The following FAM107A variants were observed in gnomAD, a reference collection of about 807,000 sequenced individuals.
FAM107A encodes actin-associated protein FAM107A.
A neutral mutation model predicts 13.7 loss-of-function variants in FAM107A; 19 were observed. The ratio of observed to expected loss-of-function variants is 1.38; its 90% CI spans 0.97 to 2.03. The LOEUF (loss-of-function observed/expected upper bound fraction) is 2.03. Ranked by LOEUF, FAM107A falls within the 30% of genes most tolerant of loss-of-function variation. FAM107A has a pLI of 0.00. For synonymous variants in FAM107A, 82 were observed against 74.5 expected (o/e 1.10, Z -0.52); for missense variants, 203 against 184.4 (o/e 1.10, Z -0.58).
chr3:58,615,621 C>T (rs36077607), intron 1 of FAM107A, among the ~76,000 whole-genome samples: 16,932 of 152,086 alleles, frequency 0.11, 1,211 homozygotes, highest in Non-Finnish European at 0.16. Flanking sequence ...GAATGCCAGG[C>T]GCAGTGCCTT....
At chr3:58,576,825 A>G (rs1158548060) in intron 1 of FAM107A, among the ~76,000 whole-genome samples, 2 of 152,228 alleles carry the variant, frequency 1.3e-5, no homozygotes, top group Non-Finnish European at 2.9e-5. Context: ...GGGTACTGTT[A>G]TTATCCTCTT....
intron 1 of FAM107A, among the ~76,000 whole-genome samples, chr3:58,626,611 A>G (rs1426270862): frequency 1.3e-5 from 2 of 152,190 alleles, no homozygotes; most frequent in Non-Finnish European, 1.5e-5. Flanking sequence ...TAACTTTATA[A>G]TAATAATTTT....
intron 2 of FAM107A, among the ~76,000 whole-genome samples, chr3:58,568,420 G>T (rs567712894): frequency 2.0e-5 from 3 of 151,610 alleles, no homozygotes; most frequent in Non-Finnish European, 4.4e-5. Flanking sequence ...GGGCGACAGA[G>T]CGAGACTTCA....
chr3:58,610,458 C>T (rs1462430374), intron 1 of FAM107A, among the ~76,000 whole-genome samples: 3 of 152,150 alleles, frequency 2.0e-5, no homozygotes, highest in Admixed American at 2.0e-4. Flanking sequence ...CCTGGATTTG[C>T]TGAGGGATAG....
In FAM107A at chr3:58,577,187, C is replaced by G. The variant is rs1271902714; in HGVS notation, c.-6+122G>C. On this transcript the variant is annotated intron_variant, in intron 1 of 3. Transcript: ENST00000360997. This position sits in a 1 kb window ranked among gnomAD's most constrained non-coding sequence, Gnocchi z 4.9. ...GGGACATAGCCCGGGTACCTAAACT[C>G]AAAGCACTCAGGTCCACTGACAGCC... 2 of 299,350 alleles carry G rather than the reference C, an allele frequency of 6.7e-6. No homozygotes were observed. Among genetic ancestry groups the G allele is most frequent in the Non-Finnish European group, 9.9e-6 (2 of 202,694 alleles). The allele number at this position is 299,350 out of a possible 1,614,324, so 18.5% of individuals were successfully genotyped here.
rs185631719 is a variant in FAM107A, at chr3:58,595,876, T to A, written c.-69-6607A>T. On this transcript the variant is annotated intron_variant, in intron 1 of 3. Coordinates refer to the FAM107A transcript ENST00000465970. ...AGTGAGAGAATCTCCACCTAGATCA[T>A]TCCTGATGCATTACTGATAACTGAT... Among the ~76,000 whole-genome samples, 150 of 152,348 alleles carry A rather than the reference T, an allele frequency of 9.8e-4. 1 individual carries two copies. Among genetic ancestry groups the A allele is most frequent in the South Asian group, 1.4e-3 (7 of 4,830 alleles).
At chr3:58,601,497 T>A (rs557479928) in intron 1 of FAM107A, among the ~76,000 whole-genome samples, 1 of 152,372 alleles carries the variant, frequency 6.6e-6, no homozygotes, top group East Asian at 1.9e-4. Context: ...GTTTGCACAA[T>A]GTTTCATAGC....
intron 1 of FAM107A, among the ~76,000 whole-genome samples, chr3:58,625,689 T>A (rs773671838): frequency 6.6e-6 from 1 of 152,252 alleles, no homozygotes; most frequent in Non-Finnish European, 1.5e-5. Context: ...TGCCTCTTCC[T>A]CAAAGTGTCA....
chr3:58,576,179 C>T (rs956149601), intron 1 of FAM107A, among the ~76,000 whole-genome samples: 3 of 152,216 alleles, frequency 2.0e-5, no homozygotes, highest in African/African-American at 4.8e-5. Flanking sequence ...AGCTTCTGGT[C>T]GATGCTCGGA....
chr3:58,598,128 G>A (rs1000729598), intron 1 of FAM107A, among the ~76,000 whole-genome samples: 1 of 152,068 alleles, frequency 6.6e-6, no homozygotes. Context: ...CGCTCACCCC[G>A]AGCCTCCACC....
intron 1 of FAM107A, among the ~76,000 whole-genome samples, chr3:58,596,089 C>G (rs1017907671): frequency 1.3e-5 from 2 of 152,222 alleles, no homozygotes; most frequent in African/African-American, 4.8e-5. Flanking sequence ...TCAATCTTCC[C>G]TGAGGCAAAG....
upstream of FAM107A, among the ~76,000 whole-genome samples, chr3:58,588,159 C>G (rs563493626): frequency 6.6e-6 from 1 of 152,322 alleles, no homozygotes; most frequent in African/African-American, 2.4e-5. Context: ...AGACCCAATC[C>G]AGTTCTCAGC....
chr3:58,577,266 A>G lies in FAM107A; in HGVS notation c.-6+43T>C. The G allele has an allele frequency of 1.0e-6, 1 of 955,080 alleles. No homozygotes were observed. The highest frequency in any genetic ancestry group is 1.2e-6 in the Non-Finnish European group (1 of 802,256). The allele number at this position is 955,080 out of a possible 1,614,324, so 59.2% of individuals were successfully genotyped here. A position where few individuals can be genotyped will look rare whatever the true frequency, so the allele number is the denominator to read the frequency against. The stretch of plus-strand genomic sequence containing the variant: ...TCCCTTCCACCTCCTCCCGAACGGC[A>G]CCGCTCTCAACAGCAGATGAAACAG... On this transcript the variant is annotated intron_variant, in intron 1 of 3. Transcript: ENST00000360997. The surrounding 1 kb of genome is among the most constrained non-coding windows in gnomAD (Gnocchi z 4.9).
chr3:58,603,199 C>G (rs1327727367), intron 1 of FAM107A, among the ~76,000 whole-genome samples: 1 of 152,116 alleles, frequency 6.6e-6, no homozygotes, highest in Admixed American at 6.5e-5. Context: ...TTCCCCATAC[C>G]AACACTGTCC....
At chr3:58,587,498 T>A (rs1351466707), upstream of FAM107A, among the ~76,000 whole-genome samples, 1 of 151,850 alleles carries the variant, frequency 6.6e-6, no homozygotes, top group African/African-American at 2.4e-5. Context: ...TGTGTGTGTG[T>A]GTGTGTGTGT....
chr3:58,611,751 C>T (rs1321102189), intron 1 of FAM107A, among the ~76,000 whole-genome samples: 1 of 152,212 alleles, frequency 6.6e-6, no homozygotes, highest in Admixed American at 6.5e-5. Context: ...CTTCTCTGAG[C>T]TGTTTCTCTT....
intron 1 of FAM107A, among the ~76,000 whole-genome samples, chr3:58,625,650 T>C (rs1010222552): frequency 1.3e-5 from 2 of 152,232 alleles, no homozygotes; most frequent in Non-Finnish European, 2.9e-5. Context: ...TATTTGGCCA[T>C]GCTGCTCAGC....
upstream of FAM107A, among the ~76,000 whole-genome samples, chr3:58,588,750 C>T (rs1213431331): frequency 2.0e-5 from 3 of 152,168 alleles, no homozygotes; most frequent in African/African-American, 7.2e-5. Flanking sequence ...ACCTCCACCT[C>T]CTGGGTTCAA....
intron 1 of FAM107A, among the ~76,000 whole-genome samples, chr3:58,623,343 G>A (rs2065976798): frequency 6.6e-6 from 1 of 152,174 alleles, no homozygotes; most frequent in African/African-American, 2.4e-5. Flanking sequence ...AAAAAACCTG[G>A]GTGGTGTTGG....
Sources: allele counts gnomAD v4.1 joint callset (sites outside exome capture counted in the v4.1 genomes callset), GRCh38; gene constraint gnomAD v4.1.1; non-coding constraint Gnocchi (gnomAD v3.1); transcripts MANE v1.5; gene names NCBI Gene and HGNC (gene_info 2026-07-23, HGNC 2026-07-21).